The following COL4A1 variants were observed in gnomAD, a reference collection of about 807,000 sequenced individuals.
COL4A1 encodes the protein collagen type IV alpha 1 chain.
Under a neutral mutation model 216.6 loss-of-function variants are expected in COL4A1, and 40 were observed. That is an observed-to-expected ratio of 0.18 (90% CI 0.14 to 0.24). COL4A1 has a LOEUF of 0.24. COL4A1 is among the 10% of genes least tolerant of loss of function. The pLI is 1.00. For missense variants in COL4A1, 1,628 were observed against 2,196.8 expected, an observed-to-expected ratio of 0.74 and a Z score of 5.18; for synonymous variants, 839 against 810.7, an observed-to-expected ratio of 1.03 and a Z score of -0.59.
chr13:110,255,871 A>C lies in COL4A1; in HGVS notation c.85-13137T>G, dbSNP rs1286524421. On this transcript the variant is annotated intron_variant, in intron 1 of 51. Coordinates refer to ENST00000375820, the MANE Select transcript of COL4A1 (RefSeq NM_001845.6). ...AGGGGGAAGGCAGGAAGGGAGGGGG[A>C]AGGCAGGAAGGGAGGGGGAAGGCAG... 7.2e-5 allele frequency among the ~76,000 whole-genome samples: 3 copies of C among 41,828 alleles called. 1 individual carries two copies. The highest frequency in any genetic ancestry group is 2.6e-4 in the African/African-American group (3 of 11,630). 27.4% of individuals were successfully genotyped at this position (41,828 alleles called of 152,430 possible). A position where few individuals can be genotyped will look rare whatever the true frequency, so the allele number is the denominator to read the frequency against.
chr13:110,201,579 T>C, intron 18 of COL4A1, 57 bp from the exon 19 acceptor site: 19 of 1,402,052 alleles, frequency 1.4e-5, no homozygotes, highest in Non-Finnish European at 1.9e-5. Flanking sequence ...TAGTCCTGTA[T>C]AGTAAAGCAG....
intron 2 of COL4A1, among the ~76,000 whole-genome samples, chr13:110,219,579 G>A (rs181238414): frequency 2.6e-3 from 391 of 150,872 alleles, no homozygotes; most frequent in African/African-American, 9.1e-3. Context: ...GCAAGAGCTT[G>A]AGCAGCACAT....
chr13:110,270,934 G>A (rs891548346), intron 1 of COL4A1, among the ~76,000 whole-genome samples: 5 of 152,146 alleles, frequency 3.3e-5, no homozygotes, highest in African/African-American at 1.2e-4. Flanking sequence ...AAGTGAGCCT[G>A]GAACTTCTGA....
rs1880843669 is a variant in COL4A1 at position 110,228,282 on chromosome 13, A to G, written c.145-14267T>C. Among the ~76,000 whole-genome samples, 3 of 152,190 alleles carry G rather than the reference A, an allele frequency of 2.0e-5. No homozygotes were observed. In the South Asian group the frequency reaches 6.2e-4, roughly 32 times the overall value. On this transcript the variant is annotated intron_variant, in intron 2 of 51. Transcript: ENST00000375820. ...GGAACAAAATATTGGACAGGATGGA[A>G]AAGAACATGTGTGTTCTTCTCTGTC... is the stretch of plus-strand genomic sequence containing the variant.
At chr13:110,222,310 C>G (rs560448209) in intron 2 of COL4A1, among the ~76,000 whole-genome samples, 1 of 152,310 alleles carries the variant, frequency 6.6e-6, no homozygotes, top group African/African-American at 2.4e-5. Flanking sequence ...CAAACTCTGG[C>G]AGACAGTGGA....
intron 20 of COL4A1, among the ~76,000 whole-genome samples, chr13:110,199,990 C>T (rs537345697): frequency 2.0e-5 from 3 of 152,080 alleles, no homozygotes; most frequent in South Asian, 2.1e-4. Flanking sequence ...GGGGTGTCGT[C>T]TGTTCCCAAT....
rs1026434463 is a variant in COL4A1, at chr13:110,177,920, C to G, written c.2638G>C (p.Glu880Gln). The stretch of plus-strand genomic sequence containing the variant: ...CCGGGGGTCCCCATGACGCCCATTT[C>G]TCCCTTGGAACCTGTGGCCAAAGGA... ...GIPGFPGSKG[E>Q]MGVMGTPGQP... is the part of the protein sequence containing the mutation. The change falls in exon 33 of 52, where the codon GAA becomes CAA. Residue 880 changes from glutamate to glutamine, a missense_variant. Glu to Gln is a conservative substitution (Grantham distance 29). Around this residue, in one of 8 missense-constraint regions of COL4A1, gnomAD observed 701 missense variants for 892.5 expected, o/e 0.79. Transcript: ENST00000375820. The G allele has an allele frequency of 6.2e-7, 1 of 1,614,194 alleles. No individual in the cohort carries two copies. The highest frequency in any genetic ancestry group is 1.7e-5 in the Admixed American group (1 of 60,028).
chr13:110,253,411 TTAC>T lies in COL4A1; in HGVS notation c.85-10680_85-10678del, dbSNP rs59041003. On this transcript the variant is annotated intron_variant, in intron 1 of 51. Transcript: ENST00000375820. ...TTACATATACATATAATTATATGTA[TTAC>T]ATATACATATAATTATATGTATTAC... 5.2e-3 allele frequency among the ~76,000 whole-genome samples: 28 copies of T among 5,396 alleles called. 3 individuals are homozygous for T. Among genetic ancestry groups the T allele is most frequent in the Non-Finnish European group, 0.019 (25 of 1,298 alleles). 3.5% of individuals were successfully genotyped at this position (5,396 alleles called of 152,430 possible).
chr13:110,246,151 A>G (rs1394086256), intron 1 of COL4A1, among the ~76,000 whole-genome samples: 1 of 152,082 alleles, frequency 6.6e-6, no homozygotes, highest in Non-Finnish European at 1.5e-5. Context: ...TGTTAAAAAA[A>G]AAAAACAAAA....
At chr13:110,271,366 T>C (rs1294522098) in intron 1 of COL4A1, among the ~76,000 whole-genome samples, 2 of 152,106 alleles carry the variant, frequency 1.3e-5, no homozygotes, top group African/African-American at 4.8e-5. Flanking sequence ...AGAAAAACAG[T>C]AACTTCATGG....
intron 1 of COL4A1, among the ~76,000 whole-genome samples, chr13:110,256,965 AT>A (rs1882606811): frequency 6.6e-6 from 1 of 152,186 alleles, no homozygotes; most frequent in African/African-American, 2.4e-5. Context: ...CTTTAAAAAA[AT>A]CTTCATGTTT....
At chr13:110,274,683 A>C (rs2139293361) in intron 1 of COL4A1, among the ~76,000 whole-genome samples, 1 of 152,324 alleles carries the variant, frequency 6.6e-6, no homozygotes, top group African/African-American at 2.4e-5. Context: ...CAGGAAAAGA[A>C]ACCAAGAGTG....
chr13:110,241,858 C>A (rs1881583497), intron 2 of COL4A1, among the ~76,000 whole-genome samples: 2 of 152,182 alleles, frequency 1.3e-5, no homozygotes, highest in Admixed American at 6.5e-5. Context: ...CACACGCTAG[C>A]CAGAATGACA....
chr13:110,177,697 G>C, intron 33 of COL4A1, 145 bp downstream of exon 33: 1 of 804,996 alleles, frequency 1.2e-6, no homozygotes, highest in Non-Finnish European at 2.1e-6. Context: ...TGGAAGAAGG[G>C]GGTCTCCCAG....
intron 1 of COL4A1, among the ~76,000 whole-genome samples, chr13:110,305,545 G>C (rs578098820): frequency 6.6e-6 from 1 of 152,342 alleles, no homozygotes; most frequent in Middle Eastern, 3.4e-3. Flanking sequence ...CACCTTGGAA[G>C]CGTTCAATCT....
intron 47 of COL4A1, among the ~76,000 whole-genome samples, chr13:110,163,173 C>T (rs1877165174): frequency 6.6e-6 from 1 of 152,234 alleles, no homozygotes; most frequent in Admixed American, 6.5e-5. Flanking sequence ...AGAATTTTCA[C>T]AGCTGCAGCT....
chr13:110,161,380 A>G lies in COL4A1; in HGVS notation c.4463-11T>C, dbSNP rs1199925429. ...AGCTGCCGGCCGTGCCTAGACAAGG[A>G]AGAAGACAATGTGAGATGTTTCCTT... On this transcript the variant is annotated splice_polypyrimidine_tract_variant and intron_variant, in intron 48 of 51. Transcript: ENST00000375820. 1.2e-6 allele frequency: 2 copies of G among 1,603,112 alleles called. No homozygotes were observed. The highest frequency in any genetic ancestry group is 1.7e-6 in the Non-Finnish European group (2 of 1,174,070).
intron 1 of COL4A1, among the ~76,000 whole-genome samples, chr13:110,256,446 G>A (rs966349566): frequency 2.0e-5 from 3 of 152,214 alleles, no homozygotes; most frequent in Non-Finnish European, 4.4e-5. Context: ...GAACCAGCAG[G>A]CACTGTGAAC....
At chr13:110,225,849 G>A (rs1453691876) in intron 2 of COL4A1, among the ~76,000 whole-genome samples, 6 of 152,142 alleles carry the variant, frequency 3.9e-5, no homozygotes, top group South Asian at 2.1e-4. Flanking sequence ...CCCCTGGGAC[G>A]CTCTGAAAAT....
Sources: allele counts gnomAD v4.1 joint callset (sites outside exome capture counted in the v4.1 genomes callset), GRCh38; gene constraint gnomAD v4.1.1; regional missense constraint gnomAD v4.1.1; transcripts MANE v1.5; gene names NCBI Gene and HGNC (gene_info 2026-07-23, HGNC 2026-07-21).